The following BDKRB2 variants were observed in gnomAD, a reference collection of about 807,000 sequenced individuals.
BDKRB2 encodes the protein bradykinin receptor B2.
A neutral mutation model predicts 4.0 loss-of-function variants in BDKRB2; 6 were observed. The observed-to-expected ratio is 1.49, with a 90% CI of 0.81 to 2.93. The LOEUF (loss-of-function observed/expected upper bound fraction) is 2.93, where lower values mean the gene tolerates loss of function less well. Among genes scored for constraint, BDKRB2 ranks in the 30% most tolerant of loss-of-function variants. The pLI is 0.00. For synonymous variants in BDKRB2, 225 were observed against 215.3 expected (o/e 1.05, Z -0.40); for missense variants, 478 against 520.1 (o/e 0.92, Z 0.79).
intron 1 of BDKRB2, among the ~76,000 whole-genome samples, chr14:96,208,059 C>T (rs1006482927): frequency 5.9e-5 from 9 of 152,166 alleles, no homozygotes; most frequent in Admixed American, 5.2e-4. Flanking sequence ...CTCCAACTGC[C>T]CCCACTGAGC....
intron 1 of BDKRB2, among the ~76,000 whole-genome samples, chr14:96,219,975 A>C (rs1486730593): frequency 6.6e-6 from 1 of 152,034 alleles, no homozygotes; most frequent in East Asian, 1.9e-4. Context: ...AGCCAATTGC[A>C]GTGAGCCATT....
Position 96,241,286 on chromosome 14 carries a change from A to T in BDKRB2, c.958A>T (p.Met320Leu), listed in dbSNP as rs1312528542. 1 of 1,614,068 alleles carries T rather than the reference A, an allele frequency of 6.2e-7. No homozygotes were observed. The highest frequency in any genetic ancestry group is 8.5e-7 in the Non-Finnish European group (1 of 1,179,956). Residue 320 changes from methionine (M) to leucine (L), a missense_variant, in exon 3 of 3, where the codon ATG becomes TTG. Physicochemically the swap from Met to Leu is conservative, Grantham distance 15 (BLOSUM62 2). Coordinates refer to ENST00000554311, the MANE Select transcript of BDKRB2 (RefSeq NM_001379692.1). ...TGTAATCACACAGATCGCCTCCTTC[A>T]TGGCCTACAGCAACAGCTGCCTCAA... The part of the protein sequence containing the change: ...IDVITQIASF[M>L]AYSNSCLNPL...
chr14:96,225,297 C>T (rs1890667728), intron 1 of BDKRB2, among the ~76,000 whole-genome samples: 1 of 152,178 alleles, frequency 6.6e-6, no homozygotes, highest in Non-Finnish European at 1.5e-5. Flanking sequence ...ACACCTGGTC[C>T]TGGGCCTACG....
rs546994819 is a variant in BDKRB2 at position 96,227,577 on chromosome 14, A to C, written c.-39-9492A>C. On this transcript the variant is annotated intron_variant, in intron 1 of 2. Coordinates refer to ENST00000554311, the MANE Select transcript of BDKRB2 (RefSeq NM_001379692.1). ...CACACAAACACACACATGTGTGCAC[A>C]AACACATGCATGCACACACAAACAC... Among the ~76,000 whole-genome samples, 4 of 152,188 alleles carry C rather than the reference A, an allele frequency of 2.6e-5. No homozygotes were observed. The South Asian group carries it at 8.3e-4, about 32-fold the overall frequency.
At chr14:96,227,658 T>C (rs1405626396) in intron 1 of BDKRB2, among the ~76,000 whole-genome samples, 1 of 150,888 alleles carries the variant, frequency 6.6e-6, no homozygotes, top group Non-Finnish European at 1.5e-5. Context: ...CAAACACACA[T>C]GTGCACAAAC....
At chr14:96,232,808 T>A (rs558081252) in intron 1 of BDKRB2, among the ~76,000 whole-genome samples, 7 of 152,314 alleles carry the variant, frequency 4.6e-5, no homozygotes, top group Admixed American at 4.6e-4. Context: ...CTACTTCCCT[T>A]GCTGGGAAAT....
chr14:96,219,815 C>G (rs1044978607), intron 1 of BDKRB2, among the ~76,000 whole-genome samples: 1 of 151,890 alleles, frequency 6.6e-6, no homozygotes, highest in African/African-American at 2.4e-5. Context: ...TGGGGTGTCT[C>G]TACGGTGCCT....
chr14:96,237,179 C>A lies in BDKRB2; in HGVS notation c.72C>A (p.Phe24Leu). The change falls in exon 2 of 3, where the codon TTC (phenylalanine) becomes TTA (leucine). Residue 24 changes from phenylalanine (F) to leucine (L), a missense_variant and splice_region_variant. Phe to Leu is a conservative substitution (Grantham distance 22). Coordinates refer to ENST00000554311, the MANE Select transcript of BDKRB2 (RefSeq NM_001379692.1). Reference protein sequence around the residue: ...REDSVPTTASFSADMLNVTLQ... With the variant: ...REDSVPTTASLSADMLNVTLQ... ...ACTCCGTGCCCACCACGGCCTCTTT[C>A]AGGTGAGTCAAAGGGATTCCTCAGT... The A allele has an allele frequency of 6.2e-7, 1 of 1,612,460 alleles. No individual in the cohort carries two copies. The highest frequency in any genetic ancestry group is 8.5e-7 in the Non-Finnish European group (1 of 1,178,448).
At chr14:96,220,258 C>T (rs921054569) in intron 1 of BDKRB2, among the ~76,000 whole-genome samples, 10 of 151,820 alleles carry the variant, frequency 6.6e-5, no homozygotes, top group African/African-American at 1.9e-4. Context: ...GAGGAAATGC[C>T]GGGGGTATTT....
rs115477780 is a variant in BDKRB2 at position 96,221,738 on chromosome 14, G to A, written c.-39-15331G>A. 1.6e-3 allele frequency among the ~76,000 whole-genome samples: 244 copies of A among 152,136 alleles called. 3 individuals carry two copies. The highest frequency in any genetic ancestry group is 5.6e-3 in the African/African-American group (231 of 41,426). ...AAGGAAGAGGCTGGGTAAGGACAAA[G>A]GACATTGGGACAGACAGAAAGCCTG... On this transcript the variant is annotated intron_variant, in intron 1 of 2. Transcript: ENST00000554311.
chr14:96,226,513 G>A (rs1566691938), intron 1 of BDKRB2, among the ~76,000 whole-genome samples: 2 of 152,322 alleles, frequency 1.3e-5, no homozygotes, highest in South Asian at 4.1e-4. Context: ...AATTAGCTGG[G>A]CGTAGTGGTG....
chr14:96,210,146 T>C (rs1271908531), intron 1 of BDKRB2, among the ~76,000 whole-genome samples: 1 of 152,150 alleles, frequency 6.6e-6, no homozygotes, highest in African/African-American at 2.4e-5. Context: ...ATTTATATCA[T>C]GAGGGTGAAA....
chr14:96,238,099 G>C (rs1890979842), intron 2 of BDKRB2: 1 of 1,038,018 alleles, frequency 9.6e-7, no homozygotes, highest in Non-Finnish European at 1.2e-6. Context: ...CAAGAATTCA[G>C]AGCCCAGTAG....
At position 96,228,373 on chromosome 14, in the gene BDKRB2, G is replaced by A. The variant is rs138875276; in HGVS notation, c.-39-8696G>A. Among the ~76,000 whole-genome samples the A allele has an allele frequency of 9.9e-3, 1,503 of 152,222 alleles. 9 individuals carry two copies. The highest frequency in any genetic ancestry group is 0.017 in the Middle Eastern group (5 of 294). Reference sequence around the variant, plus strand: ...CTGCCCTCTTGGTACCTGGGTCCTTGTCTGGCATCCAGGAAGAATCAGGTC... The same window carrying A: ...CTGCCCTCTTGGTACCTGGGTCCTTATCTGGCATCCAGGAAGAATCAGGTC... On this transcript the variant is annotated intron_variant, in intron 1 of 2. Coordinates refer to ENST00000554311, the MANE Select transcript of BDKRB2 (RefSeq NM_001379692.1).
intron 1 of BDKRB2, among the ~76,000 whole-genome samples, chr14:96,207,657 C>T (rs141834590): frequency 2.6e-5 from 4 of 152,208 alleles, no homozygotes; most frequent in African/African-American, 7.2e-5. Flanking sequence ...AACAAATTGA[C>T]TGCTCTTGTG....
intron 1 of BDKRB2, among the ~76,000 whole-genome samples, chr14:96,218,180 G>C (rs1359603979): frequency 6.6e-6 from 1 of 152,046 alleles, no homozygotes; most frequent in Non-Finnish European, 1.5e-5. Flanking sequence ...AGTGCAGACG[G>C]GCAGGGTTGA....
rs943137887 is a variant in BDKRB2, at chr14:96,217,786, A to G, written c.-40+12827A>G. On this transcript the variant is annotated intron_variant, in intron 1 of 2. Coordinates refer to ENST00000554311, the MANE Select transcript of BDKRB2 (RefSeq NM_001379692.1). ...TCCAGGAAGCCCCCAGGCTCTAAGG[A>G]GGCGGCCCTATAACTGCTGGATGAC... 1.6e-4 allele frequency among the ~76,000 whole-genome samples: 24 copies of G among 151,324 alleles called. 1 individual carries two copies. The highest frequency in any genetic ancestry group is 1.2e-3 in the Admixed American group (19 of 15,264).
At chr14:96,223,474 T>C in intron 1 of BDKRB2, 2 of 630,076 alleles carry the variant, frequency 3.2e-6, no homozygotes, top group Non-Finnish European at 5.8e-6. Context: ...TTCAATACAC[T>C]GTTTGAATGT....
At chr14:96,237,901 C>G in intron 2 of BDKRB2, 2 of 1,274,570 alleles carry the variant, frequency 1.6e-6, no homozygotes, top group Non-Finnish European at 2.0e-6. Context: ...TAAGCAGCAT[C>G]TGGTGCTATA....
Sources: allele counts gnomAD v4.1 joint callset (sites outside exome capture counted in the v4.1 genomes callset), GRCh38; gene constraint gnomAD v4.1.1; transcripts MANE v1.5; gene names NCBI Gene and HGNC (gene_info 2026-07-23, HGNC 2026-07-21).